The following NRCAM variants were observed in gnomAD, a reference collection of about 807,000 sequenced individuals.
NRCAM encodes NgCAM-related cell adhesion molecule.
NRCAM carries 83 observed loss-of-function variants against 156.5 expected under a neutral mutation model. That is an observed-to-expected ratio of 0.53 (90% CI 0.44 to 0.64). NRCAM has a LOEUF of 0.64. Ranked by LOEUF, NRCAM falls within the 30% of genes least tolerant of loss-of-function variation. The pLI is 0.00. For missense variants in NRCAM, 1,417 were observed against 1,597.3 expected (o/e 0.89, Z 1.92); for synonymous variants, 538 against 563.9 (o/e 0.95, Z 0.65).
At chr7:108,267,781 T>G (rs753906245) in intron 3 of NRCAM, among the ~76,000 whole-genome samples, 2 of 152,198 alleles carry the variant, frequency 1.3e-5, no homozygotes, top group Non-Finnish European at 2.9e-5. Flanking sequence ...AATTGTTAAT[T>G]AAAAGCTCAA....
chr7:108,359,826 T>C (rs1463958810), intron 2 of NRCAM, among the ~76,000 whole-genome samples: 1 of 152,214 alleles, frequency 6.6e-6, no homozygotes, highest in Non-Finnish European at 1.5e-5. Flanking sequence ...AGAACATTTC[T>C]ATCACTCTAG....
At chr7:108,172,309 C>T (rs994246890) in intron 28 of NRCAM, among the ~76,000 whole-genome samples, 4 of 152,022 alleles carry the variant, frequency 2.6e-5, no homozygotes, top group Non-Finnish European at 4.4e-5. Context: ...AATGGAGTCT[C>T]GTTCTGTCGC....
intron 3 of NRCAM, among the ~76,000 whole-genome samples, chr7:108,256,486 CG>C (rs1214075231): frequency 6.7e-6 from 1 of 149,806 alleles, no homozygotes; most frequent in African/African-American, 2.5e-5. Flanking sequence ...ACAAACACTG[CG>C]GAAGGCCGCA....
chr7:108,333,150 A>G (rs1310344522), intron 2 of NRCAM, among the ~76,000 whole-genome samples: 1 of 152,196 alleles, frequency 6.6e-6, no homozygotes, highest in Non-Finnish European at 1.5e-5. Context: ...AACAAGGCTT[A>G]TTACCATTTT....
At chr7:108,236,062 T>G (rs1304564088) in intron 5 of NRCAM, among the ~76,000 whole-genome samples, 3 of 152,140 alleles carry the variant, frequency 2.0e-5, no homozygotes, top group African/African-American at 4.8e-5. Context: ...TGCCCATACC[T>G]CTGCTTCCTT....
At chr7:108,177,239 TA>T (rs1563268738) in intron 26 of NRCAM, among the ~76,000 whole-genome samples, 2 of 151,988 alleles carry the variant, frequency 1.3e-5, no homozygotes, top group South Asian at 4.1e-4. Flanking sequence ...AGGTGAAAGC[TA>T]AAAAAAGTTC....
At chr7:108,455,707 C>T (rs897147803) in intron 1 of NRCAM, among the ~76,000 whole-genome samples, 2 of 152,222 alleles carry the variant, frequency 1.3e-5, no homozygotes, top group Non-Finnish European at 1.5e-5. Context: ...CGAACAAAGC[C>T]CACGCCCAGA....
intron 1 of NRCAM, among the ~76,000 whole-genome samples, chr7:108,436,427 A>G (rs941738538): frequency 3.3e-5 from 5 of 152,190 alleles, no homozygotes; most frequent in African/African-American, 1.2e-4. Flanking sequence ...TTTATGTTCC[A>G]AAGAGCTGTG....
intron 1 of NRCAM, among the ~76,000 whole-genome samples, chr7:108,406,476 A>C (rs2099807814): frequency 6.6e-6 from 1 of 152,200 alleles, no homozygotes; most frequent in African/African-American, 2.4e-5. Context: ...AATTTAATCT[A>C]CTTCAAATGG....
Position 108,383,128 on chromosome 7 carries a change from ACACACGCTCT to A in NRCAM, c.-174+16298_-174+16307del, listed in dbSNP as rs1227093290. On this transcript the variant is annotated intron_variant, in intron 2 of 32. Coordinates refer to ENST00000379028, the MANE Select transcript of NRCAM (RefSeq NM_001037132.4). ...AACCACTGAGTCACACCACACACAC[ACACACGCTCT>A]CACACACACACACACACCCCTTGGT... Among the ~76,000 whole-genome samples, 10 of 122,564 alleles carry A rather than the reference ACACACGCTCT, an allele frequency of 8.2e-5. No individual in the cohort carries two copies. In the Admixed American group the frequency reaches 9.5e-4, roughly 12 times the overall value. 80.4% of individuals were successfully genotyped at this position (122,564 alleles called of 152,430 possible). A position where few individuals can be genotyped will look rare whatever the true frequency, so the allele number is the denominator to read the frequency against.
Position 108,149,974 on chromosome 7 carries a change from G to T in NRCAM, c.3851C>A (p.Pro1284Gln). 1 of 1,613,916 alleles carries T rather than the reference G, an allele frequency of 6.2e-7. No homozygotes were observed. The highest frequency in any genetic ancestry group is 8.5e-7 in the Non-Finnish European group (1 of 1,179,934). ...GQYSGKKEKE[P>Q]AEGNESSEAP... The stretch of plus-strand genomic sequence containing the variant: ...CTCTGAGCTTTCGTTTCCTTCAGCC[G>T]GCTCTTTCTCTTTCTTACCACTGTA... Residue 1284 changes from proline to glutamine, a missense_variant, in exon 33 of 33, where the codon CCG (proline) becomes CAG (glutamine). Physicochemically the swap from Pro to Gln is moderately conservative, Grantham distance 76. Coordinates refer to ENST00000379028, the MANE Select transcript of NRCAM (RefSeq NM_001037132.4).
At chr7:108,335,918 A>G (rs2099183962) in intron 2 of NRCAM, among the ~76,000 whole-genome samples, 1 of 152,194 alleles carries the variant, frequency 6.6e-6, no homozygotes, top group African/African-American at 2.4e-5. Flanking sequence ...GGATTACTAT[A>G]AAGAACAAAA....
chr7:108,345,684 C>T (rs952405991), intron 2 of NRCAM, among the ~76,000 whole-genome samples: 25 of 152,296 alleles, frequency 1.6e-4, no homozygotes, highest in African/African-American at 5.8e-4. Context: ...TGGCCATCTG[C>T]AAACCAGGAA....
At chr7:108,386,957 T>C (rs367766360) in intron 2 of NRCAM, among the ~76,000 whole-genome samples, 2 of 152,100 alleles carry the variant, frequency 1.3e-5, no homozygotes, top group Non-Finnish European at 1.5e-5. Context: ...TTTACAAGCC[T>C]CTTCCAGTGT....
At chr7:108,150,475 A>AAAAAAT (rs2040680649) in intron 32 of NRCAM, among the ~76,000 whole-genome samples, 1 of 152,236 alleles carries the variant, frequency 6.6e-6, no homozygotes, top group Admixed American at 6.5e-5. Flanking sequence ...TAGAAAAATC[A>AAAAAAT]TCACTATTTT....
At chr7:108,223,616 T>C (rs2092855949) in intron 11 of NRCAM, 109 bp downstream of exon 11, 2 of 508,800 alleles carry the variant, frequency 3.9e-6, no homozygotes, top group Non-Finnish European at 6.9e-6. Flanking sequence ...TGATGCTTGC[T>C]AGAATTAGTA....
chr7:108,224,498 G>A (rs1249531085), intron 10 of NRCAM, among the ~76,000 whole-genome samples: 1 of 152,026 alleles, frequency 6.6e-6, no homozygotes, highest in East Asian at 1.9e-4. Flanking sequence ...AAGATCTTAG[G>A]GATAGTTACA....
At chr7:108,407,105 C>T (rs191110445) in intron 1 of NRCAM, among the ~76,000 whole-genome samples, 106 of 152,178 alleles carry the variant, frequency 7.0e-4, no homozygotes, top group African/African-American at 2.5e-3. Flanking sequence ...TGTATGTTTT[C>T]CAAGTCTTTT....
chr7:108,443,016 AAAG>A (rs1402090498), intron 1 of NRCAM, among the ~76,000 whole-genome samples: 5 of 152,234 alleles, frequency 3.3e-5, no homozygotes, highest in African/African-American at 1.2e-4. Flanking sequence ...TGTAGCACGG[AAAG>A]AACATATTCA....
Sources: gnomAD v4.1 joint callset for allele counts (sites outside exome capture counted in the v4.1 genomes callset) on GRCh38, gnomAD v4.1.1 for gene constraint, MANE v1.5 for transcripts, NCBI Gene and HGNC (gene_info 2026-07-23, HGNC 2026-07-21) for gene names.